The following KAZN variants were observed in gnomAD, a reference collection of about 807,000 sequenced individuals.
KAZN encodes the protein kazrin, periplakin interacting protein.
A neutral mutation model predicts 87.4 loss-of-function variants in KAZN; 40 were observed. That is an observed-to-expected ratio of 0.46 (90% confidence interval 0.36 to 0.60). The LOEUF is 0.60. Among genes scored for constraint, KAZN ranks in the 20% least tolerant of loss-of-function variants. KAZN has a pLI of 0.00. For missense variants in KAZN, 898 were observed against 1,073.9 expected (o/e 0.84, Z 2.29); for synonymous variants, 466 against 458.3 (o/e 1.02, Z -0.22).
intron 1 of KAZN, chr1:14,924,306 GGC>G (rs1658888036): frequency 1.0e-6 from 1 of 985,370 alleles, no homozygotes. Context: ...CTGTGAGCCC[GGC>G]GCGCGCCGTC....
chr1:15,109,664 TTTATATGTGTG>T (rs1641421591), intron 13 of KAZN, among the ~76,000 whole-genome samples: 1 of 151,336 alleles, frequency 6.6e-6, no homozygotes, highest in Non-Finnish European at 1.5e-5. Flanking sequence ...TGTGTATGTG[TTTATATGTGTG>T]TATATGGGTG....
At chr1:14,372,818 T>C (rs566185975) in intron 2 of KAZN, among the ~76,000 whole-genome samples, 4 of 152,334 alleles carry the variant, frequency 2.6e-5, no homozygotes, top group South Asian at 2.1e-4. Context: ...TGCCTAGCTG[T>C]GGTGGTGAGC....
At chr1:14,486,375 G>T (rs1381698658) in intron 2 of KAZN, among the ~76,000 whole-genome samples, 1 of 152,088 alleles carries the variant, frequency 6.6e-6, no homozygotes, top group Non-Finnish European at 1.5e-5. Flanking sequence ...GTATGTTGTG[G>T]GATGCTTAAG....
chr1:15,090,149 C>T (rs1024029128), intron 8 of KAZN, among the ~76,000 whole-genome samples: 4 of 152,162 alleles, frequency 2.6e-5, no homozygotes, highest in Non-Finnish European at 5.9e-5. Context: ...TATGGAGAAA[C>T]GGAGGCTTCA....
chr1:14,397,503 T>C (rs1055271191), intron 2 of KAZN, among the ~76,000 whole-genome samples: 1 of 152,126 alleles, frequency 6.6e-6, no homozygotes, highest in Non-Finnish European at 1.5e-5. Context: ...GGATTCAACA[T>C]GTACGTTTTA....
At chr1:14,381,885 A>G (rs1326244217) in intron 2 of KAZN, among the ~76,000 whole-genome samples, 3 of 152,218 alleles carry the variant, frequency 2.0e-5, no homozygotes, top group Non-Finnish European at 4.4e-5. Context: ...GAAGAAGTCA[A>G]ATATCCTTGT....
chr1:14,750,611 A>G (rs1200284900), intron 1 of KAZN, among the ~76,000 whole-genome samples: 1 of 151,942 alleles, frequency 6.6e-6, no homozygotes, highest in Admixed American at 6.6e-5. Context: ...AAAAAAAAAA[A>G]AAGACCTTTA....
intron 2 of KAZN, among the ~76,000 whole-genome samples, chr1:14,981,620 C>T (rs1358128184): frequency 2.0e-5 from 3 of 152,210 alleles, no homozygotes; most frequent in East Asian, 3.9e-4. Context: ...TCCAGGTTGC[C>T]GGAGCCCTGC....
intron 2 of KAZN, among the ~76,000 whole-genome samples, chr1:14,237,990 G>A (rs1406156304): frequency 6.6e-6 from 1 of 152,086 alleles, no homozygotes; most frequent in Non-Finnish European, 1.5e-5. Context: ...CAAAGTTAAG[G>A]CTATACATTT....
At chr1:14,980,154 G>A (rs1473326649) in intron 2 of KAZN, among the ~76,000 whole-genome samples, 1 of 152,200 alleles carries the variant, frequency 6.6e-6, no homozygotes, top group Non-Finnish European at 1.5e-5. Context: ...CTCCCAAAGT[G>A]CTGGGATTAC....
intron 2 of KAZN, among the ~76,000 whole-genome samples, chr1:14,384,326 G>T (rs1291592751): frequency 1.3e-5 from 2 of 151,782 alleles, no homozygotes; most frequent in Non-Finnish European, 2.9e-5. Flanking sequence ...CTGCCTAATT[G>T]CCCTGGCCAG....
intron 1 of KAZN, among the ~76,000 whole-genome samples, chr1:14,908,416 C>T (rs973473967): frequency 1.3e-5 from 2 of 152,130 alleles, no homozygotes; most frequent in Non-Finnish European, 2.9e-5. Flanking sequence ...GTGGCAGGGG[C>T]CTGTAATCCC....
At chr1:14,138,501 A>G (rs1645158891) in intron 1 of KAZN, among the ~76,000 whole-genome samples, 1 of 152,132 alleles carries the variant, frequency 6.6e-6, no homozygotes, top group African/African-American at 2.4e-5. Context: ...AGAACCAGTC[A>G]CTGGAAGAGG....
chr1:15,004,087 G>A (rs1285228737), intron 2 of KAZN, among the ~76,000 whole-genome samples: 2 of 152,212 alleles, frequency 1.3e-5, no homozygotes, highest in East Asian at 3.8e-4. Flanking sequence ...AAAGTGAGGT[G>A]AACATACCTG....
chr1:14,562,144 G>C (rs868831702), intron 2 of KAZN, among the ~76,000 whole-genome samples: 1 of 152,106 alleles, frequency 6.6e-6, no homozygotes, highest in Non-Finnish European at 1.5e-5. Flanking sequence ...CTGCCATTCT[G>C]TTTGGCAAAT....
chr1:14,738,872 T>C (rs1343934726), intron 1 of KAZN, among the ~76,000 whole-genome samples: 1 of 152,042 alleles, frequency 6.6e-6, no homozygotes, highest in Admixed American at 6.5e-5. Flanking sequence ...AGAGTCTGAG[T>C]TGAAAACTAG....
intron 1 of KAZN, among the ~76,000 whole-genome samples, chr1:13,921,798 A>C (rs2100904176): frequency 6.6e-6 from 1 of 151,704 alleles, no homozygotes; most frequent in East Asian, 1.9e-4. Context: ...CACCTGGCTA[A>C]TGTTTTGTAT....
intron 2 of KAZN, among the ~76,000 whole-genome samples, chr1:14,404,372 A>G (rs12116695): frequency 0.094 from 14,231 of 152,172 alleles, 934 homozygotes; most frequent in South Asian, 0.14. Flanking sequence ...TAGAAAAGAA[A>G]TGATTTGGGT....
intron 1 of KAZN, among the ~76,000 whole-genome samples, chr1:14,643,503 G>GT (rs1680567475): frequency 2.0e-5 from 3 of 152,050 alleles, no homozygotes; most frequent in Non-Finnish European, 4.4e-5. Flanking sequence ...ACATGATCTC[G>GT]TTTTTTATGG....
Sources: allele counts gnomAD v4.1 joint callset (sites outside exome capture counted in the v4.1 genomes callset), GRCh38; gene constraint gnomAD v4.1.1; transcripts MANE v1.5; gene names NCBI Gene and HGNC (gene_info 2026-07-23, HGNC 2026-07-21).